PRL: variants seen among roughly 807,000 people sequenced by gnomAD.
The protein encoded by PRL is decidual prolactin.
In PRL, 24 loss-of-function variants were observed where a neutral mutation model predicts 21.3. That is an observed-to-expected ratio of 1.13 (90% CI 0.82 to 1.59). PRL has a LOEUF of 1.59. Ranked by LOEUF, PRL falls within the 40% of genes most tolerant of loss-of-function variation. The pLI, the probability that PRL is intolerant of heterozygous loss-of-function variation, is 0.00. For synonymous variants in PRL, 118 were observed against 115.7 expected (o/e 1.02, Z -0.13); for missense variants, 243 against 286.9 (o/e 0.85, Z 1.10).
upstream of PRL, among the ~76,000 whole-genome samples, chr6:22,299,458 C>A (rs1761243204): frequency 6.6e-6 from 1 of 152,186 alleles, no homozygotes; most frequent in African/African-American, 2.4e-5. Context: ...TAATTTAGAA[C>A]AAAGTTTGTA....
upstream of PRL, among the ~76,000 whole-genome samples, chr6:22,298,499 A>G (rs2113519222): frequency 6.6e-6 from 1 of 152,306 alleles, no homozygotes; most frequent in East Asian, 1.9e-4. Context: ...TATGTGCTTT[A>G]GCAATTATCT....
intron 1 of PRL, 28 bp from the exon 2 acceptor site, chr6:22,294,612 T>G: frequency 6.6e-7 from 1 of 1,518,276 alleles, no homozygotes; most frequent in East Asian, 2.4e-5. Flanking sequence ...CGAGCCACTC[T>G]GAGATGATTT....
chr6:22,289,614 G>A (rs1052754155), intron 4 of PRL, among the ~76,000 whole-genome samples: 1 of 152,136 alleles, frequency 6.6e-6, no homozygotes, highest in African/African-American at 2.4e-5. Context: ...GTGACTCCCT[G>A]CAATCTCGTG....
At chr6:22,298,832 A>T (rs951547475), upstream of PRL, among the ~76,000 whole-genome samples, 2 of 152,196 alleles carry the variant, frequency 1.3e-5, no homozygotes, top group African/African-American at 4.8e-5. Flanking sequence ...ACTGACAATG[A>T]CAACTTAATC....
upstream of PRL, among the ~76,000 whole-genome samples, chr6:22,298,588 G>A (rs562793545): frequency 3.9e-5 from 6 of 152,280 alleles, no homozygotes; most frequent in African/African-American, 9.6e-5. Flanking sequence ...AATTGCCTTA[G>A]TTTAAGGCAA....
At chr6:22,297,512 G>A (rs1761203740), upstream of PRL, 1 of 152,500 alleles carries the variant, frequency 6.6e-6, no homozygotes, top group Admixed American at 6.5e-5. Flanking sequence ...TGAGAAATCA[G>A]GATTTTCAGT....
intron 1 of PRL, 75 bp downstream of exon 1, chr6:22,296,880 T>A: frequency 1.3e-6 from 2 of 1,486,186 alleles, no homozygotes; most frequent in Non-Finnish European, 1.9e-6. Flanking sequence ...GCTCTTGTTA[T>A]TAGTTAAAAT....
chr6:22,294,447 AG>A lies in PRL; in HGVS notation c.165del (p.Tyr56ThrfsTer48). On this transcript the variant is annotated frameshift_variant, in exon 2 of 5. Transcript: ENST00000306482. LOFTEE classifies it high-confidence loss of function. ...ATTTCTGAGGAGAGGTTATGGATGT[AG>A]TGGGACAGGACGACGGCGCGGTCAA... ...DLFDRAVVLS[H>X]YIHNLSSEMF... The A allele has an allele frequency of 6.2e-7, 1 of 1,614,180 alleles. No homozygotes were observed. The highest frequency in any genetic ancestry group is 8.5e-7 in the Non-Finnish European group (1 of 1,180,042).
intron 1 of PRL, among the ~76,000 whole-genome samples, chr6:22,296,154 T>A (rs183762167): frequency 6.6e-6 from 1 of 152,370 alleles, no homozygotes; most frequent in African/African-American, 2.4e-5. Flanking sequence ...AGATGTTCTG[T>A]AACTCTGAGT....
rs1761133696 is a variant in PRL, at chr6:22,294,527, A to G, written c.86T>C (p.Leu29Ser). The G allele has an allele frequency of 6.2e-7, 1 of 1,613,852 alleles. No homozygotes were observed. Among genetic ancestry groups the G allele is most frequent in the Admixed American group, 1.7e-5 (1 of 59,994 alleles). ...GGCAGCCCCGCCGGGACAGATGGGC[A>G]AGGGGGCCACGCTCTGGCACAGGAG... Reference protein sequence around the residue: ...NLLLCQSVAPLPICPGGAARC... With the variant: ...NLLLCQSVAPSPICPGGAARC... The change falls in exon 2 of 5, where the codon TTG becomes TCG. Residue 29 changes from leucine to serine, a missense_variant. Physicochemically the swap from Leu to Ser is moderately radical, Grantham distance 145. Transcript: ENST00000306482.
At chr6:22,297,103 C>G, upstream of PRL, 1 of 993,508 alleles carries the variant, frequency 1.0e-6, no homozygotes, top group South Asian at 1.6e-5. Flanking sequence ...ATGAATCAGG[C>G]ATTCGTTTCC....
rs1235847114 is a variant in PRL at position 22,294,462 on chromosome 6, C to A, written c.151G>T (p.Val51Phe). 1.9e-6 allele frequency: 3 copies of A among 1,614,118 alleles called. No homozygotes were observed. In the South Asian group the frequency reaches 3.3e-5, roughly 18 times the overall value. ...VTLRDLFDRA[V>F]VLSHYIHNLS... ...TTATGGATGTAGTGGGACAGGACGA[C>A]GGCGCGGTCAAACAGGTCTCGAAGG... The change falls in exon 2 of 5, where the codon GTC (valine) becomes TTC (phenylalanine). Residue 51 changes from valine (V) to phenylalanine (F), a missense_variant. Coordinates refer to ENST00000306482, the MANE Select transcript of PRL (RefSeq NM_000948.6).
intron 3 of PRL, 151 bp from the exon 4 acceptor site, chr6:22,290,504 A>G (rs1280043334): frequency 1.8e-5 from 11 of 627,994 alleles, no homozygotes; most frequent in Non-Finnish European, 2.3e-5. Flanking sequence ...AATTTGTAGA[A>G]ATGTAAAATT....
chr6:22,298,003 A>G (rs768937219), upstream of PRL, among the ~76,000 whole-genome samples: 1 of 150,398 alleles, frequency 6.6e-6, no homozygotes, highest in Non-Finnish European at 1.5e-5. Flanking sequence ...CAAACAAGCT[A>G]TAACCCCTGA....
At chr6:22,299,882 T>C (rs928273045), upstream of PRL, among the ~76,000 whole-genome samples, 1 of 152,154 alleles carries the variant, frequency 6.6e-6, no homozygotes, top group East Asian at 1.9e-4. Context: ...AGGAGGTGTC[T>C]ACTGCAAAAT....
Position 22,288,590 on chromosome 6 carries a change from T to A in PRL, c.493-997A>T, listed in dbSNP as rs1760975379. ...CAACCCTTCAGTGGTGAGGGCTGTG[T>A]GGTAGGGTTGGGGGCATGGCTGTGA... On this transcript the variant is annotated intron_variant, in intron 4 of 4. Transcript: ENST00000306482. The surrounding 1 kb of genome is among the most constrained non-coding windows in gnomAD (Gnocchi z 4.5). 6.6e-6 allele frequency among the ~76,000 whole-genome samples: 1 copy of A among 150,912 alleles called. No homozygotes were observed. Among genetic ancestry groups the A allele is most frequent in the Admixed American group, 6.6e-5 (1 of 15,160 alleles).
At chr6:22,296,273 T>A (rs1761170904) in intron 1 of PRL, among the ~76,000 whole-genome samples, 1 of 152,260 alleles carries the variant, frequency 6.6e-6, no homozygotes, top group African/African-American at 2.4e-5. Flanking sequence ...TTATGGTTGT[T>A]ACTAATTTAT....
rs1456661991 is a variant in PRL, at chr6:22,290,371, A to C, written c.313-18T>G. 12 of 1,532,994 alleles carry C rather than the reference A, an allele frequency of 7.8e-6. No homozygotes were observed. In the Admixed American group the frequency reaches 2.1e-4, roughly 27 times the overall value. 95.0% of individuals were successfully genotyped at this position (1,532,994 alleles called of 1,614,324 possible). A position where few individuals can be genotyped will look rare whatever the true frequency, so the allele number is the denominator to read the frequency against. ...TCTTTTTGCTACGAAACCATATAGA[A>C]CAATTGCATTAAAATAGGTAAAATA... On this transcript the variant is annotated intron_variant, in intron 3 of 4. Transcript: ENST00000306482.
intron 4 of PRL, among the ~76,000 whole-genome samples, chr6:22,289,407 A>C (rs908462125): frequency 6.6e-6 from 1 of 152,210 alleles, no homozygotes; most frequent in African/African-American, 2.4e-5. Flanking sequence ...ACTAATGTTG[A>C]AATTATCCCA....
Sources: gnomAD v4.1 joint callset for allele counts (sites outside exome capture counted in the v4.1 genomes callset) on GRCh38, gnomAD v4.1.1 for gene constraint, Gnocchi (gnomAD v3.1) non-coding constraint, MANE v1.5 for transcripts, NCBI Gene and HGNC (gene_info 2026-07-23, HGNC 2026-07-21) for gene names.